Variants in POFUT1 observed in about 807,000 individuals in gnomAD.
POFUT1 encodes GDP-fucose protein O-fucosyltransferase 1.
A neutral mutation model predicts 42.4 loss-of-function variants in POFUT1; 16 were observed. The ratio of observed to expected loss-of-function variants is 0.38; its 90% CI spans 0.26 to 0.57. POFUT1 has a LOEUF of 0.57. Among genes scored for constraint, POFUT1 ranks in the 20% least tolerant of loss-of-function variants. The pLI is 0.71. For missense variants in POFUT1, 470 were observed against 504.6 expected (o/e 0.93, Z 0.66); for synonymous variants, 206 against 205.4 (o/e 1.00, Z -0.03).
At chr20:32,209,096 C>T (rs1316117210) in intron 1 of POFUT1, among the ~76,000 whole-genome samples, 1 of 152,204 alleles carries the variant, frequency 6.6e-6, no homozygotes, top group East Asian at 1.9e-4. Context: ...CCACAACTCC[C>T]TTCTCTGCTG....
chr20:32,208,949 C>T (rs1395984552), intron 1 of POFUT1, among the ~76,000 whole-genome samples: 1 of 152,168 alleles, frequency 6.6e-6, no homozygotes, highest in Non-Finnish European at 1.5e-5. Flanking sequence ...AATCTAAAGA[C>T]CATGCCAGGT....
chr20:32,208,369 G>T (rs2122557796), intron 1 of POFUT1, among the ~76,000 whole-genome samples: 1 of 152,270 alleles, frequency 6.6e-6, no homozygotes, highest in African/African-American at 2.4e-5. Context: ...ACTGACCCAC[G>T]CTGGCTCCTG....
At chr20:32,214,078 C>T (rs1425959765) in intron 2 of POFUT1, among the ~76,000 whole-genome samples, 2 of 151,710 alleles carry the variant, frequency 1.3e-5, no homozygotes, top group Admixed American at 6.6e-5. Context: ...GCAAGAACTT[C>T]TGTACTTCTC....
chr20:32,237,587 G>C lies in POFUT1; in HGVS notation c.*2926G>C, dbSNP rs747119538. ...AACCGAGCAGCAGGTCAGAGCAGGC[G>C]AGCTGACATTCTGCAGCCTGGACGG... is the stretch of plus-strand genomic sequence containing the variant. On this transcript the variant is annotated 3_prime_UTR_variant, in exon 7 of 7. Coordinates refer to ENST00000375749, the MANE Select transcript of POFUT1 (RefSeq NM_015352.2). The C allele has an allele frequency of 6.9e-6, 2 of 289,832 alleles. No homozygotes were observed. The highest frequency in any genetic ancestry group is 1.4e-5 in the Non-Finnish European group (2 of 139,950). The allele number at this position is 289,832 out of a possible 1,614,324, so 18.0% of individuals were successfully genotyped here.
chr20:32,214,322 G>C (rs183497383), intron 2 of POFUT1, among the ~76,000 whole-genome samples: 2 of 152,012 alleles, frequency 1.3e-5, no homozygotes, highest in East Asian at 3.9e-4. Context: ...ACAGGGTCTC[G>C]CTATGTTGTC....
intron 4 of POFUT1, among the ~76,000 whole-genome samples, chr20:32,228,032 G>T (rs983710950): frequency 2.6e-5 from 4 of 152,174 alleles, no homozygotes; most frequent in Non-Finnish European, 1.5e-5. Context: ...AGCAAAGAGG[G>T]TTGTAAATTC....
chr20:32,227,586 A>G (rs1374795265), intron 4 of POFUT1, among the ~76,000 whole-genome samples: 1 of 152,176 alleles, frequency 6.6e-6, no homozygotes, highest in Non-Finnish European at 1.5e-5. Context: ...GCCAGACACT[A>G]TTCTGCGCAT....
rs565027162 is a variant in POFUT1 at position 32,231,005 on chromosome 20, G to C, written c.922G>C (p.Val308Leu). 1.2e-5 allele frequency: 19 copies of C among 1,614,202 alleles called. 1 individual carries two copies. In the South Asian group the frequency reaches 1.8e-4, roughly 15 times the overall value. The change falls in exon 6 of 7, where the codon GTT becomes CTT. Residue 308 changes from valine (V) to leucine (L), a missense_variant. Transcript: ENST00000375749. ...VRSLDAQSVY[V>L]ATDSESYVPE... ...GTCGCTGGATGCCCAGTCGGTCTAC[G>C]TTGCTACTGATTCCGAGAGTTATGT...
intron 4 of POFUT1, chr20:32,222,844 C>G (rs1030057856): frequency 1.0e-6 from 1 of 985,262 alleles, no homozygotes; most frequent in African/African-American, 1.7e-5. Context: ...GTATAATGGT[C>G]CAGGAATTTG....
At chr20:32,228,140 G>C in intron 4 of POFUT1, 123 bp from the exon 5 acceptor site, 1 of 647,714 alleles carries the variant, frequency 1.5e-6, no homozygotes, top group South Asian at 2.5e-5. Context: ...TGTTTCTTGC[G>C]TGTTGCAGGG....
chr20:32,215,294 T>G lies in POFUT1; in HGVS notation c.272T>G (p.Phe91Cys), dbSNP rs1420648166. 6.2e-7 allele frequency: 1 copy of G among 1,612,842 alleles called. No individual in the cohort carries two copies. Residue 91 changes from phenylalanine (F) to cysteine (C), a missense_variant, in exon 3 of 7, where the codon TTC becomes TGC. Phe to Cys is a radical substitution (Grantham distance 205). Coordinates refer to ENST00000375749, the MANE Select transcript of POFUT1 (RefSeq NM_015352.2). The stretch of plus-strand genomic sequence containing the variant: ...CTCCATGTGTCCTACCAGAAGTACT[T>G]CAAGCTGGAGCCCCTCCAGGCTTAC... ...TNLHVSYQKY[F>C]KLEPLQAYHR...
chr20:32,234,043 G>A (rs1326610651), intron 6 of POFUT1, among the ~76,000 whole-genome samples: 4 of 152,166 alleles, frequency 2.6e-5, no homozygotes, highest in South Asian at 4.1e-4. Context: ...AATTAACCAC[G>A]TGTGGTGGTG....
chr20:32,233,757 TG>T (rs1297710905), intron 6 of POFUT1, among the ~76,000 whole-genome samples: 5 of 152,068 alleles, frequency 3.3e-5, no homozygotes, highest in Non-Finnish European at 5.9e-5. Context: ...GGCTTGGATT[TG>T]GGGTACATGG....
intron 5 of POFUT1, among the ~76,000 whole-genome samples, chr20:32,230,386 C>CA (rs71185388): frequency 0.048 from 5,050 of 104,428 alleles, 126 homozygotes; most frequent in South Asian, 0.086. Flanking sequence ...GACTCCCTCT[C>CA]AAAAAAAAAA....
intron 2 of POFUT1, among the ~76,000 whole-genome samples, chr20:32,212,476 G>A (rs1401851680): frequency 6.6e-6 from 1 of 152,056 alleles, no homozygotes; most frequent in Non-Finnish European, 1.5e-5. Flanking sequence ...ATGTTTCCCA[G>A]GCTGGTCTCA....
At chr20:32,212,748 T>A (rs2047336453) in intron 2 of POFUT1, among the ~76,000 whole-genome samples, 1 of 152,124 alleles carries the variant, frequency 6.6e-6, no homozygotes. Context: ...ACCCAGCTAA[T>A]TTTTTGTATT....
intron 4 of POFUT1, chr20:32,217,024 T>C: frequency 6.8e-6 from 11 of 1,614,020 alleles, no homozygotes; most frequent in Non-Finnish European, 8.5e-6. Flanking sequence ...GAATCACTCC[T>C]GTGTTACCTT....
chr20:32,213,049 C>T (rs1256452338), intron 2 of POFUT1, among the ~76,000 whole-genome samples: 2 of 152,042 alleles, frequency 1.3e-5, no homozygotes, highest in Non-Finnish European at 2.9e-5. Context: ...CCATGCCTAG[C>T]TAATTTTTGT....
At position 32,207,891 on chromosome 20, in the gene POFUT1, T is replaced by A. The variant is rs752049500; in HGVS notation, c.-51T>A. Reference sequence around the variant, plus strand: ...GGAGCGGGGCGGGCGCTCGCGTCCCTCCTTCCCTCCCCGACTGTGCGCCGC... The same window carrying A: ...GGAGCGGGGCGGGCGCTCGCGTCCCACCTTCCCTCCCCGACTGTGCGCCGC... On this transcript the variant is annotated 5_prime_UTR_variant, in exon 1 of 7. Coordinates refer to ENST00000375749, the MANE Select transcript of POFUT1 (RefSeq NM_015352.2). The A allele has an allele frequency of 6.8e-7, 1 of 1,477,978 alleles. No homozygotes were observed. The highest frequency in any genetic ancestry group is 8.9e-7 in the Non-Finnish European group (1 of 1,122,658). 91.6% of individuals were successfully genotyped at this position (1,477,978 alleles called of 1,614,324 possible). A position where few individuals can be genotyped will look rare whatever the true frequency, so the allele number is the denominator to read the frequency against.
Sources: gnomAD v4.1 joint callset for allele counts (sites outside exome capture counted in the v4.1 genomes callset) on GRCh38, gnomAD v4.1.1 for gene constraint, MANE v1.5 for transcripts, NCBI Gene and HGNC (gene_info 2026-07-23, HGNC 2026-07-21) for gene names.